Variants in LCLAT1 observed in about 807,000 individuals in gnomAD.
LCLAT1 encodes the protein lysocardiolipin acyltransferase 1, also known as 1-AGP acyltransferase 8.
LCLAT1 carries 11 observed loss-of-function variants against 30.7 expected under a neutral mutation model. That is an observed-to-expected ratio of 0.36 (90% confidence interval 0.23 to 0.59). The LOEUF (loss-of-function observed/expected upper bound fraction) is 0.59, where lower values mean the gene tolerates loss of function less well. LCLAT1 is among the 20% of genes least tolerant of loss of function. LCLAT1 has a pLI of 0.77. For missense variants in LCLAT1, 402 were observed against 458.6 expected (o/e 0.88, Z 1.13); for synonymous variants, 155 against 151.3 (o/e 1.02, Z -0.18).
intron 1 of LCLAT1, among the ~76,000 whole-genome samples, chr2:30,501,726 A>G (rs1020272168): frequency 2.6e-5 from 4 of 152,184 alleles, no homozygotes; most frequent in Admixed American, 2.6e-4. Flanking sequence ...AAAGCATTTT[A>G]TTACTTGTCC....
chr2:30,538,794 A>C (rs928849784), intron 3 of LCLAT1, among the ~76,000 whole-genome samples: 5 of 152,172 alleles, frequency 3.3e-5, no homozygotes, highest in African/African-American at 9.6e-5. Flanking sequence ...GAAATTGATA[A>C]ATTCCTGAAC....
At chr2:30,516,262 T>C (rs1449931533) in intron 1 of LCLAT1, among the ~76,000 whole-genome samples, 2 of 151,990 alleles carry the variant, frequency 1.3e-5, no homozygotes, top group African/African-American at 4.8e-5. Context: ...CTCTATTAAA[T>C]CTTGCAACTG....
At chr2:30,454,593 C>T (rs829583) in intron 1 of LCLAT1, among the ~76,000 whole-genome samples, 113,652 of 151,754 alleles carry the variant, frequency 0.75, 43,208 homozygotes, top group East Asian at 0.87. Context: ...GCTGGTACTA[C>T]AGGCATGTGC....
rs79262039 is a variant in LCLAT1 at position 30,635,488 on chromosome 2, C to T, written c.629-4629C>T. Among the ~76,000 whole-genome samples the T allele has an allele frequency of 6.1e-3, 930 of 152,208 alleles. 14 individuals carry two copies. The highest frequency in any genetic ancestry group is 0.021 in the African/African-American group (858 of 41,532). Reference sequence around the variant, plus strand: ...TTGTCTTTTTTAGTTTCTAACATTACAGTGTTACTCTTTACTTGCTTATAA... The same window carrying T: ...TTGTCTTTTTTAGTTTCTAACATTATAGTGTTACTCTTTACTTGCTTATAA... On this transcript the variant is annotated intron_variant, in intron 5 of 5. Coordinates refer to ENST00000379509, the MANE Select transcript of LCLAT1 (RefSeq NM_001002257.3).
Position 30,640,263 on chromosome 2 carries a change from A to C in LCLAT1, c.775A>C (p.Lys259Gln). 1 of 1,614,168 alleles carries C rather than the reference A, an allele frequency of 6.2e-7. No individual in the cohort carries two copies. The highest frequency in any genetic ancestry group is 1.1e-5 in the South Asian group (1 of 91,082). The change falls in exon 6 of 6, where the codon AAG (lysine) becomes CAG (glutamine). Residue 259 changes from lysine (K) to glutamine (Q), a missense_variant. Lys to Gln is a moderately conservative substitution (Grantham distance 53, BLOSUM62 1). Coordinates refer to ENST00000379509, the MANE Select transcript of LCLAT1 (RefSeq NM_001002257.3). ...RYPIDTLPTS[K>Q]EDLQLWCHKR... ...TCCAATAGACACCCTCCCCACATCC[A>C]AGGAGGACCTTCAACTCTGGTGCCA...
intron 5 of LCLAT1, among the ~76,000 whole-genome samples, chr2:30,618,185 G>A (rs1281018439): frequency 6.6e-6 from 1 of 152,064 alleles, no homozygotes; most frequent in Non-Finnish European, 1.5e-5. Flanking sequence ...AGTAAGTCCT[G>A]AAATGAGCAG....
chr2:30,506,263 G>C (rs570074146), intron 1 of LCLAT1, among the ~76,000 whole-genome samples: 1 of 151,858 alleles, frequency 6.6e-6, no homozygotes, highest in Non-Finnish European at 1.5e-5. Flanking sequence ...TTGTCTGTTT[G>C]TTTTTTCCAA....
chr2:30,549,461 A>G (rs1248127382), intron 3 of LCLAT1, among the ~76,000 whole-genome samples: 2 of 152,322 alleles, frequency 1.3e-5, no homozygotes, highest in South Asian at 2.1e-4. Context: ...ATGCTTTTAT[A>G]ATGGTAACTT....
At chr2:30,452,130 A>G (rs1681581599) in intron 1 of LCLAT1, among the ~76,000 whole-genome samples, 1 of 152,108 alleles carries the variant, frequency 6.6e-6, no homozygotes, top group South Asian at 2.1e-4. Context: ...AACATTTTAT[A>G]TGTTGAGATG....
At chr2:30,591,862 C>T (rs756271186) in intron 5 of LCLAT1, among the ~76,000 whole-genome samples, 78 of 152,154 alleles carry the variant, frequency 5.1e-4, no homozygotes, top group Non-Finnish European at 8.8e-4. Flanking sequence ...TATTGCCCTT[C>T]TTAGAAACTT....
At chr2:30,475,183 G>A (rs992845147) in intron 1 of LCLAT1, among the ~76,000 whole-genome samples, 2 of 151,206 alleles carry the variant, frequency 1.3e-5, no homozygotes, top group African/African-American at 2.4e-5. Flanking sequence ...TTTTTTTGTA[G>A]AGGCAGAGTC....
chr2:30,593,988 A>G (rs1485331611), intron 5 of LCLAT1, among the ~76,000 whole-genome samples: 1 of 151,858 alleles, frequency 6.6e-6, no homozygotes, highest in Non-Finnish European at 1.5e-5. Context: ...TGACTCCCCA[A>G]TTCATTTTAT....
chr2:30,599,253 A>T (rs1667070897), intron 5 of LCLAT1, among the ~76,000 whole-genome samples: 1 of 152,142 alleles, frequency 6.6e-6, no homozygotes, highest in South Asian at 2.1e-4. Flanking sequence ...AAGTGCTGGG[A>T]TTCCGGACAT....
chr2:30,632,094 G>A (rs1668795092), intron 5 of LCLAT1, among the ~76,000 whole-genome samples: 3 of 152,152 alleles, frequency 2.0e-5, no homozygotes, highest in Admixed American at 2.0e-4. Flanking sequence ...AACAGATTTA[G>A]GATAGAAATG....
At chr2:30,558,290 T>C (rs1665026355) in intron 3 of LCLAT1, among the ~76,000 whole-genome samples, 1 of 152,082 alleles carries the variant, frequency 6.6e-6, no homozygotes, top group South Asian at 2.1e-4. Context: ...TCTGAACGAC[T>C]AATTTGAATA....
intron 1 of LCLAT1, among the ~76,000 whole-genome samples, chr2:30,523,792 C>T (rs1286309088): frequency 2.0e-5 from 3 of 152,166 alleles, no homozygotes; most frequent in Admixed American, 6.5e-5. Flanking sequence ...CGCTTGAACC[C>T]GGGAGGCAGA....
chr2:30,560,393 C>T (rs12478778), intron 3 of LCLAT1, among the ~76,000 whole-genome samples: 19,179 of 151,522 alleles, frequency 0.13, 1,350 homozygotes, highest in South Asian at 0.22. Context: ...GGCTGAAGTG[C>T]AGTGGTACGA....
At chr2:30,626,163 G>C (rs768660401) in intron 5 of LCLAT1, among the ~76,000 whole-genome samples, 1 of 152,166 alleles carries the variant, frequency 6.6e-6, no homozygotes. Flanking sequence ...ATAATATGCT[G>C]TCTCTGGTCT....
intron 1 of LCLAT1, among the ~76,000 whole-genome samples, chr2:30,506,355 T>A (rs1216252496): frequency 2.6e-5 from 4 of 152,094 alleles, no homozygotes. Flanking sequence ...TAACATAAAT[T>A]TTTAAATATT....
Sources: allele counts gnomAD v4.1 joint callset (sites outside exome capture counted in the v4.1 genomes callset), GRCh38; gene constraint gnomAD v4.1.1; transcripts MANE v1.5; gene names NCBI Gene and HGNC (gene_info 2026-07-23, HGNC 2026-07-21).